ARMC5: variants seen among roughly 807,000 people sequenced by gnomAD.
ARMC5 encodes armadillo repeat-containing protein 5.
A neutral mutation model predicts 60.5 loss-of-function variants in ARMC5; 28 were observed. The observed-to-expected ratio is 0.46, with a 90% CI of 0.34 to 0.63. The LOEUF (loss-of-function observed/expected upper bound fraction) is 0.63. Among genes scored for constraint, ARMC5 ranks in the 30% least tolerant of loss-of-function variants. ARMC5 has a pLI of 0.01. For missense variants in ARMC5, 1,189 were observed against 1,304.9 expected (o/e 0.91, Z 1.37); for synonymous variants, 680 against 607.3 (o/e 1.12, Z -1.76).
At chr16:31,463,899 A>G (rs1460195291) in intron 3 of ARMC5, among the ~76,000 whole-genome samples, 1 of 152,168 alleles carries the variant, frequency 6.6e-6, no homozygotes, top group Non-Finnish European at 1.5e-5. Context: ...CGTGACAGGC[A>G]TCAGTAATTA....
At position 31,464,615 on chromosome 16, in the gene ARMC5, G is replaced by A. The variant is rs746800165; in HGVS notation, c.1592G>A (p.Arg531His). ...REGPALLLLS[R>H]FSQAPDPSGA... is the part of the protein sequence containing the mutation. ...GGGCCAGCCCTGCTGCTGCTGTCGC[G>A]CTTTTCCCAGGCCCCTGACCCAAGT... Residue 531 changes from arginine (R) to histidine (H), a missense_variant, in exon 4 of 6, where the codon CGC (arginine) becomes CAC (histidine). Coordinates refer to ENST00000268314, the MANE Select transcript of ARMC5 (RefSeq NM_001105247.2). This position sits in a 1 kb window ranked among gnomAD's most constrained non-coding sequence, Gnocchi z 7.6. The A allele has an allele frequency of 5.0e-6, 8 of 1,594,742 alleles. No individual in the cohort carries two copies. The Admixed American group carries it at 6.8e-5, about 13-fold the overall frequency.
At chr16:31,458,775 C>A (rs2082269609), upstream of ARMC5, 2 of 1,508,244 alleles carry the variant, frequency 1.3e-6, no homozygotes, top group Admixed American at 2.1e-5. Flanking sequence ...TCCCCCGCCG[C>A]CCCGCCCCGT....
chr16:31,459,835 C>A lies in ARMC5; in HGVS notation c.311C>A (p.Ala104Asp). The change falls in exon 1 of 6, where the codon GCC (alanine) becomes GAC (aspartate). Residue 104 changes from alanine to aspartate, a missense_variant. Around this residue, in one of 2 missense-constraint regions of ARMC5, gnomAD observed 327 missense variants for 233.7 expected, o/e 1.40. Transcript: ENST00000268314. The part of the protein sequence containing the change: ...SSAASGASSP[A>D]PASGPAPSAV... The stretch of plus-strand genomic sequence containing the variant: ...GCCGCGTCGGGAGCTTCTAGCCCCG[C>A]CCCCGCGTCGGGCCCCGCCCCCTCC... 6.4e-7 allele frequency: 1 copy of A among 1,567,244 alleles called. No homozygotes were observed. Among genetic ancestry groups the A allele is most frequent in the Non-Finnish European group, 8.6e-7 (1 of 1,162,978 alleles).
In ARMC5 at chr16:31,465,967, T is replaced by G. The variant is rs779013727; in HGVS notation, c.1982T>G (p.Leu661Arg). Reference sequence around the variant, plus strand: ...GACCGAGTGGCCTGCGCGCTGACCCTGCCCTTCATCTGCCGGTGAGTGGGA... The same window carrying G: ...GACCGAGTGGCCTGCGCGCTGACCCGGCCCTTCATCTGCCGGTGAGTGGGA... ...PEDRVACALT[L>R]PFICRKPSLW... Residue 661 changes from leucine to arginine, a missense_variant, in exon 5 of 6, where the codon CTG becomes CGG. Leu to Arg is a moderately radical substitution (Grantham distance 102, BLOSUM62 -2). Around this residue, in one of 2 missense-constraint regions of ARMC5, gnomAD observed 862 missense variants for 1,071.2 expected, o/e 0.80. Transcript: ENST00000268314. The G allele has an allele frequency of 6.2e-7, 1 of 1,603,894 alleles. No homozygotes were observed.
At chr16:31,463,019 A>G (rs1344288045) in intron 3 of ARMC5, 102 bp downstream of exon 3, 12 of 1,243,616 alleles carry the variant, frequency 9.6e-6, no homozygotes, top group Non-Finnish European at 1.2e-5. Flanking sequence ...TTCTGTCTGA[A>G]TAAGACTTTT....
Position 31,466,468 on chromosome 16 carries a change from C to T in ARMC5, c.2387C>T (p.Ser796Leu), listed in dbSNP as rs758011873. 5 of 1,611,576 alleles carry T rather than the reference C, an allele frequency of 3.1e-6. No homozygotes were observed. The highest frequency in any genetic ancestry group is 1.1e-5 in the South Asian group (1 of 91,082). ...QMDLVPLRGL[S>L]PGAAWPVLHH... ...GACCTGGTGCCCCTGCGAGGTCTGT[C>T]GCCTGGTGCAGCCTGGCCTGTCCTG... Residue 796 changes from serine to leucine, a missense_variant, in exon 6 of 6, where the codon TCG becomes TTG. Around this residue, in one of 2 missense-constraint regions of ARMC5, gnomAD observed 862 missense variants for 1,071.2 expected, o/e 0.80. Coordinates refer to ENST00000268314, the MANE Select transcript of ARMC5 (RefSeq NM_001105247.2). This position sits in a 1 kb window ranked among gnomAD's most constrained non-coding sequence, Gnocchi z 8.0.
In ARMC5 at chr16:31,459,540, C is replaced by T. The variant is rs755876218; in HGVS notation, c.16C>T (p.Pro6Ser). Reference sequence around the variant, plus strand: ...CCGAGCCAAGATGGCGGCTGCGAAGCCAACCCTCACGGACTCGCTCTCGTT... The same window carrying T: ...CCGAGCCAAGATGGCGGCTGCGAAGTCAACCCTCACGGACTCGCTCTCGTT... MAAAK[P>S]TLTDSLSFCL... is the part of the protein sequence containing the mutation. Residue 6 changes from proline (P) to serine (S), a missense_variant, in exon 1 of 6, where the codon CCA (proline) becomes TCA (serine). Pro to Ser is a moderately conservative substitution (Grantham distance 74). Transcript: ENST00000268314. The T allele has an allele frequency of 5.0e-6, 8 of 1,605,140 alleles. No individual in the cohort carries two copies. Among genetic ancestry groups the T allele is most frequent in the Non-Finnish European group, 5.9e-6 (7 of 1,178,708 alleles).
upstream of ARMC5, chr16:31,458,736 G>A (rs1009376837): frequency 3.4e-6 from 5 of 1,474,840 alleles, 1 homozygote; most frequent in African/African-American, 5.6e-5. Context: ...GGGGTGACCT[G>A]GGGGCTCCCC....
chr16:31,464,088 C>T lies in ARMC5; in HGVS notation c.1371-306C>T, dbSNP rs577830016. On this transcript the variant is annotated intron_variant, in intron 3 of 5. Coordinates refer to ENST00000268314, the MANE Select transcript of ARMC5 (RefSeq NM_001105247.2). This position sits in a 1 kb window ranked among gnomAD's most constrained non-coding sequence, Gnocchi z 7.6. ...GGAGGATCGCTTGAGCACAGGAGTCCGAGACCAGCCTGGGCAACATAGCGA... is the reference window on the plus strand; with the variant it reads ...GGAGGATCGCTTGAGCACAGGAGTCTGAGACCAGCCTGGGCAACATAGCGA... Among the ~76,000 whole-genome samples, 23 of 152,040 alleles carry T rather than the reference C, an allele frequency of 1.5e-4. No individual in the cohort carries two copies. The East Asian group carries it at 3.9e-3, about 26-fold the overall frequency.
chr16:31,461,895 C>A (rs773317730), intron 1 of ARMC5, 27 bp from the exon 2 acceptor site: 1 of 1,597,766 alleles, frequency 6.3e-7, no homozygotes, highest in South Asian at 1.1e-5. Flanking sequence ...GGGGTAGAAC[C>A]CTCACAAGCC....
Position 31,462,882 on chromosome 16 carries a change from T to G in ARMC5, c.1335T>G (p.Pro445=). The G allele has an allele frequency of 6.2e-7, 1 of 1,610,982 alleles. No individual in the cohort carries two copies. Among genetic ancestry groups the G allele is most frequent in the East Asian group, 2.2e-5 (1 of 44,844 alleles). Reference sequence around the variant, plus strand: ...GGGACTTTCCTGAGGAGAGGACCCCTGAGCGGGCACAGGGTGGAAGCTTCC... The same window carrying G: ...GGGACTTTCCTGAGGAGAGGACCCCGGAGCGGGCACAGGGTGGAAGCTTCC... ...ASWDFPEERT[P]ERAQGGSFRS... The change falls in exon 3 of 6, where the codon CCT becomes CCG. Residue 445 remains proline, a synonymous_variant. Transcript: ENST00000268314. This position sits in a 1 kb window ranked among gnomAD's most constrained non-coding sequence, Gnocchi z 7.2.
rs2082308682 is a variant in ARMC5 at position 31,462,121 on chromosome 16, C to T, written c.584-10C>T. ...TGTTCACCCTCTGTGCTCCCCTTTC[C>T]TGCCCTCAGGTGCTGTTCCCCTGCT... On this transcript the variant is annotated splice_polypyrimidine_tract_variant and intron_variant, in intron 2 of 5. Coordinates refer to ENST00000268314, the MANE Select transcript of ARMC5 (RefSeq NM_001105247.2). This position sits in a 1 kb window ranked among gnomAD's most constrained non-coding sequence, Gnocchi z 7.2. 6.2e-7 allele frequency: 1 copy of T among 1,612,054 alleles called. No homozygotes were observed. The highest frequency in any genetic ancestry group is 1.3e-5 in the African/African-American group (1 of 75,006).
Position 31,464,598 on chromosome 16 carries a change from CCTG to C in ARMC5, c.1585_1587del (p.Leu529del), listed in dbSNP as rs2082334691. 6.3e-7 allele frequency: 1 copy of C among 1,589,310 alleles called. No homozygotes were observed. The highest frequency in any genetic ancestry group is 1.1e-5 in the South Asian group (1 of 89,300). ...AGCCTTGGGGACGCGAAGGGCCAGC[CCTG>C]CTGCTGCTGTCGCGCTTTTCCCAGG... On this transcript the variant is annotated inframe_deletion, in exon 4 of 6. Coordinates refer to ENST00000268314, the MANE Select transcript of ARMC5 (RefSeq NM_001105247.2). This position sits in a 1 kb window ranked among gnomAD's most constrained non-coding sequence, Gnocchi z 7.6.
Position 31,464,616 on chromosome 16 carries a change from C to A in ARMC5, c.1593C>A (p.Arg531=), listed in dbSNP as rs2082335018. The change falls in exon 4 of 6, where the codon CGC becomes CGA. Residue 531 remains arginine (R), a synonymous_variant. Coordinates refer to ENST00000268314, the MANE Select transcript of ARMC5 (RefSeq NM_001105247.2). This position sits in a 1 kb window ranked among gnomAD's most constrained non-coding sequence, Gnocchi z 7.6. ...GGCCAGCCCTGCTGCTGCTGTCGCG[C>A]TTTTCCCAGGCCCCTGACCCAAGTG... ...REGPALLLLS[R]FSQAPDPSGA... The A allele has an allele frequency of 6.9e-6, 11 of 1,595,754 alleles. No homozygotes were observed. The highest frequency in any genetic ancestry group is 8.5e-6 in the Non-Finnish European group (10 of 1,177,158).
At position 31,462,894 on chromosome 16, in the gene ARMC5, G is replaced by C; in HGVS notation, c.1347G>C (p.Gln449His). Residue 449 changes from glutamine (Q) to histidine (H), a missense_variant, in exon 3 of 6, where the codon CAG becomes CAC. Transcript: ENST00000268314. This position sits in a 1 kb window ranked among gnomAD's most constrained non-coding sequence, Gnocchi z 7.2. ...AGGAGAGGACCCCTGAGCGGGCACA[G>C]GGTGGAAGCTTCCGGAGCCTCAGGT... ...FPEERTPERA[Q>H]GGSFRSLRSW... 1 of 1,605,464 alleles carries C rather than the reference G, an allele frequency of 6.2e-7. No homozygotes were observed. Among genetic ancestry groups the C allele is most frequent in the African/African-American group, 1.3e-5 (1 of 74,864 alleles).
chr16:31,461,484 C>T (rs1183137285), intron 1 of ARMC5, among the ~76,000 whole-genome samples: 2 of 152,170 alleles, frequency 1.3e-5, no homozygotes, highest in African/African-American at 4.8e-5. Flanking sequence ...TGTACCCCTC[C>T]AGACCCAGCC....
At chr16:31,459,130 G>C (rs144570843), upstream of ARMC5, 25 of 1,490,620 alleles carry the variant, frequency 1.7e-5, no homozygotes, top group African/African-American at 3.3e-4. Context: ...GAGCCTAGAG[G>C]AGAAAAGGCG....
At position 31,467,050 on chromosome 16, in the gene ARMC5, G is replaced by A. The variant is rs1035382859; in HGVS notation, c.*161G>A. On this transcript the variant is annotated 3_prime_UTR_variant, in exon 6 of 6. Transcript: ENST00000268314. ...GATGACGATCTAAAGACCCGGGAGC[G>A]AGAAGCCAAGGCCAGGTTCTGGGTG... 3.0e-6 allele frequency: 3 copies of A among 993,312 alleles called. No individual in the cohort carries two copies. The highest frequency in any genetic ancestry group is 4.6e-5 in the South Asian group (2 of 43,884). 61.5% of individuals were successfully genotyped at this position (993,312 alleles called of 1,614,324 possible).
At position 31,462,568 on chromosome 16, in the gene ARMC5, A is replaced by T. The variant is rs755134664; in HGVS notation, c.1021A>T (p.Ser341Cys). 1 of 1,611,892 alleles carries T rather than the reference A, an allele frequency of 6.2e-7. No individual in the cohort carries two copies. ...GCAGCGCCGGGATCCTAATGGAGCT[A>T]GCCCAACCTCCCAGCAGCCCCTGGT... Reference protein sequence around the residue: ...LRQRRDPNGASPTSQQPLVRA... With the variant: ...LRQRRDPNGACPTSQQPLVRA... The change falls in exon 3 of 6, where the codon AGC becomes TGC. Residue 341 changes from serine to cysteine, a missense_variant. Transcript: ENST00000268314. This position sits in a 1 kb window ranked among gnomAD's most constrained non-coding sequence, Gnocchi z 7.2.
Sources: allele counts gnomAD v4.1 joint callset (sites outside exome capture counted in the v4.1 genomes callset), GRCh38; gene constraint gnomAD v4.1.1; regional missense constraint gnomAD v4.1.1; non-coding constraint Gnocchi (gnomAD v3.1); transcripts MANE v1.5; gene names NCBI Gene and HGNC (gene_info 2026-07-23, HGNC 2026-07-21).